SBF2: variants seen among roughly 807,000 people sequenced by gnomAD.
The protein encoded by SBF2 is myotubularin-related protein 13.
In SBF2, 112 loss-of-function variants were observed where a neutral mutation model predicts 225.2. The ratio of observed to expected loss-of-function variants is 0.50; its 90% CI spans 0.43 to 0.58. The LOEUF is 0.58. Ranked by LOEUF, SBF2 falls within the 20% of genes least tolerant of loss-of-function variation. The pLI is 0.00. For missense variants in SBF2, 1,996 were observed against 2,206.2 expected, an observed-to-expected ratio of 0.90 and a Z score of 1.91; for synonymous variants, 763 against 773.3, an observed-to-expected ratio of 0.99 and a Z score of 0.22.
At chr11:10,139,848 C>G (rs2135131281) in intron 2 of SBF2, among the ~76,000 whole-genome samples, 1 of 152,272 alleles carries the variant, frequency 6.6e-6, no homozygotes, top group Admixed American at 6.5e-5. Context: ...CATCTACATT[C>G]CTGTGTGGCT....
chr11:9,978,813 C>T (rs369746760), intron 13 of SBF2, among the ~76,000 whole-genome samples: 7 of 151,924 alleles, frequency 4.6e-5, no homozygotes, highest in East Asian at 1.9e-4. Flanking sequence ...CTGGGCAACA[C>T]GGTGAAACTC....
intron 1 of SBF2, among the ~76,000 whole-genome samples, chr11:10,291,938 T>C (rs1964184519): frequency 6.6e-6 from 1 of 152,186 alleles, no homozygotes; most frequent in Non-Finnish European, 1.5e-5. Context: ...CACGTGCATA[T>C]TCGTATGTAT....
intron 1 of SBF2, among the ~76,000 whole-genome samples, chr11:10,292,255 T>G (rs1188027047): frequency 6.6e-6 from 1 of 152,238 alleles, no homozygotes; most frequent in African/African-American, 2.4e-5. Flanking sequence ...AGAACATTCT[T>G]GTTTGCAGAA....
chr11:9,921,181 C>T (rs750656586), intron 16 of SBF2, among the ~76,000 whole-genome samples: 1 of 150,434 alleles, frequency 6.6e-6, no homozygotes, highest in Non-Finnish European at 1.5e-5. Flanking sequence ...AGCGATTCTC[C>T]TGCCTCAGCC....
intron 1 of SBF2, among the ~76,000 whole-genome samples, chr11:10,260,954 C>T (rs891268576): frequency 6.6e-6 from 1 of 151,790 alleles, no homozygotes; most frequent in Admixed American, 6.6e-5. Flanking sequence ...ATTTAAGCAC[C>T]ACTACGTAAG....
intron 1 of SBF2, among the ~76,000 whole-genome samples, chr11:10,229,578 G>C (rs1958736069): frequency 6.6e-6 from 1 of 152,042 alleles, no homozygotes; most frequent in African/African-American, 2.4e-5. Flanking sequence ...GTACCCAGTA[G>C]TCATTCAGGA....
chr11:10,141,348 A>AT (rs1490906523), intron 2 of SBF2, among the ~76,000 whole-genome samples: 18 of 152,340 alleles, frequency 1.2e-4, no homozygotes, highest in African/African-American at 4.3e-4. Context: ...GAGTCATTAG[A>AT]TAATTTTTCC....
chr11:10,237,934 T>C (rs756378334), intron 1 of SBF2, among the ~76,000 whole-genome samples: 1 of 152,190 alleles, frequency 6.6e-6, no homozygotes, highest in Non-Finnish European at 1.5e-5. Context: ...GATCCATTAA[T>C]CCACTGAAAG....
At position 9,992,478 on chromosome 11, in the gene SBF2, C is replaced by A; in HGVS notation, c.1233G>T (p.Met411Ile). 6.2e-7 allele frequency: 1 copy of A among 1,613,136 alleles called. No homozygotes were observed. The highest frequency in any genetic ancestry group is 8.5e-7 in the Non-Finnish European group (1 of 1,179,388). ...TTTCTGAAACAAAACCTGCAAATGC[C>A]ATTCCACTGAGTACTTTAGTGAGGA... Reference protein sequence around the residue: ...NDFLTKVLSGMAFAGFVSERG... With the variant: ...NDFLTKVLSGIAFAGFVSERG... Residue 411 changes from methionine (M) to isoleucine (I), a missense_variant, in exon 12 of 40, where the codon ATG (methionine) becomes ATT (isoleucine). Coordinates refer to ENST00000256190, the MANE Select transcript of SBF2 (RefSeq NM_030962.4).
intron 6 of SBF2, among the ~76,000 whole-genome samples, chr11:10,003,160 G>C (rs1229095366): frequency 6.6e-6 from 1 of 152,104 alleles, no homozygotes; most frequent in Non-Finnish European, 1.5e-5. Flanking sequence ...TAATGATAGG[G>C]TTACGTCCTA....
At chr11:10,054,513 C>T (rs963767912) in intron 2 of SBF2, among the ~76,000 whole-genome samples, 1 of 152,050 alleles carries the variant, frequency 6.6e-6, no homozygotes. Flanking sequence ...AATTTCATGA[C>T]TAAGGCCCCG....
intron 2 of SBF2, among the ~76,000 whole-genome samples, chr11:10,132,965 G>A (rs1001872858): frequency 6.7e-6 from 1 of 149,096 alleles, no homozygotes; most frequent in Admixed American, 6.8e-5. Flanking sequence ...AGTGTCGATT[G>A]GTGCATTCAC....
At chr11:10,291,674 ACAC>A (rs1964168091) in intron 1 of SBF2, among the ~76,000 whole-genome samples, 1 of 122,746 alleles carries the variant, frequency 8.1e-6, no homozygotes, top group South Asian at 2.4e-4. Flanking sequence ...ACACACACAC[ACAC>A]ACACACACAC....
chr11:10,117,425 AG>A (rs796352971), intron 2 of SBF2, among the ~76,000 whole-genome samples: 28 of 137,006 alleles, frequency 2.0e-4, no homozygotes, highest in African/African-American at 6.8e-4. Context: ...TGGGCGACAG[AG>A]TGAGAATCCA....
intron 2 of SBF2, among the ~76,000 whole-genome samples, chr11:10,150,425 T>C (rs1955120395): frequency 6.6e-6 from 1 of 152,036 alleles, no homozygotes; most frequent in African/African-American, 2.4e-5. Context: ...ACATAAAAGA[T>C]TAAGATGAAC....
chr11:9,936,741 G>C (rs56204387), intron 16 of SBF2, among the ~76,000 whole-genome samples: 1 of 152,134 alleles, frequency 6.6e-6, no homozygotes, highest in Non-Finnish European at 1.5e-5. Context: ...TCATAGGTGG[G>C]AATTGAACAA....
chr11:10,131,485 G>C (rs568025926), intron 2 of SBF2, among the ~76,000 whole-genome samples: 11 of 152,288 alleles, frequency 7.2e-5, no homozygotes, highest in Admixed American at 1.3e-4. Flanking sequence ...CCAGGCTGGA[G>C]TGCAATGCTG....
Position 9,842,754 on chromosome 11 carries a change from T to C in SBF2, c.3127A>G (p.Ile1043Val), listed in dbSNP as rs147438385. ...CCTGCCCTTTTGGCACCTTTCACAA[T>C]TGTTTTTGAGAAGGTACTACAAGTC... ...NTSFRTFSKTIVKGAKRAGKM... is the reference protein window; with the variant it reads ...NTSFRTFSKTVVKGAKRAGKM... Residue 1043 changes from isoleucine (I) to valine (V), a missense_variant, in exon 25 of 40, where the codon ATT becomes GTT. Ile to Val is a conservative substitution (Grantham distance 29, BLOSUM62 3). Transcript: ENST00000256190. The C allele has an allele frequency of 1.4e-4, 229 of 1,614,138 alleles. No individual in the cohort carries two copies. Among genetic ancestry groups the C allele is most frequent in the Non-Finnish European group, 1.8e-4 (210 of 1,180,000 alleles).
intron 9 of SBF2, among the ~76,000 whole-genome samples, chr11:9,996,483 A>G (rs193087540): frequency 6.6e-6 from 1 of 152,064 alleles, no homozygotes; most frequent in African/African-American, 2.4e-5. Flanking sequence ...TCCGCCTCCC[A>G]GGTTCATGCT....
Sources: gnomAD v4.1 joint callset for allele counts (sites outside exome capture counted in the v4.1 genomes callset) on GRCh38, gnomAD v4.1.1 for gene constraint, MANE v1.5 for transcripts, NCBI Gene and HGNC (gene_info 2026-07-23, HGNC 2026-07-21) for gene names.